SEPTIN9: variants seen among roughly 807,000 people sequenced by gnomAD.
SEPTIN9 encodes the protein septin 9, also known as septin-9.
In SEPTIN9, 13 loss-of-function variants were observed where a neutral mutation model predicts 56.6. The ratio of observed to expected loss-of-function variants is 0.23; its 90% CI spans 0.15 to 0.37. The LOEUF is 0.37. Among genes scored for constraint, SEPTIN9 ranks in the 10% least tolerant of loss-of-function variants. The pLI, the probability that SEPTIN9 is intolerant of heterozygous loss-of-function variation, is 1.00. For synonymous variants in SEPTIN9, 332 were observed against 334.1 expected (o/e 0.99, Z 0.07); for missense variants, 650 against 823.1 (o/e 0.79, Z 2.57).
intron 3 of SEPTIN9, among the ~76,000 whole-genome samples, chr17:77,415,682 G>A (rs1050671073): frequency 1.4e-4 from 22 of 152,122 alleles, no homozygotes; most frequent in African/African-American, 4.1e-4. Context: ...CCTGTGCCCG[G>A]CACCGAAGCC....
chr17:77,495,880 G>A (rs1253509050), intron 10 of SEPTIN9, among the ~76,000 whole-genome samples: 1 of 152,204 alleles, frequency 6.6e-6, no homozygotes, highest in Non-Finnish European at 1.5e-5. Context: ...TTTTTAACTT[G>A]GGGAAAAGCC....
At position 77,320,431 on chromosome 17, in the gene SEPTIN9, G is replaced by C. The variant is rs574921962; in HGVS notation, c.76+13234G>C. On this transcript the variant is annotated intron_variant, in intron 2 of 11. Transcript: ENST00000427177. ...TATTTATGCCTGGGGGAATAAGCAT[G>C]CAAAGGGCGCTTTTGCTCATTTTTC... The C allele has an allele frequency of 3.0e-5, 36 of 1,219,620 alleles. No homozygotes were observed. In the East Asian group the frequency reaches 8.2e-4, roughly 28 times the overall value. The allele number at this position is 1,219,620 out of a possible 1,614,324, so 75.5% of individuals were successfully genotyped here. A position where few individuals can be genotyped will look rare whatever the true frequency, so the allele number is the denominator to read the frequency against.
intron 2 of SEPTIN9, among the ~76,000 whole-genome samples, chr17:77,383,199 T>TCCCC (rs1316627422): frequency 5.4e-5 from 8 of 148,396 alleles, no homozygotes. Context: ...CCTCCCTCCC[T>TCCCC]CTTGCATTCT....
chr17:77,369,637 G>A lies in SEPTIN9; in HGVS notation c.77-32422G>A, dbSNP rs2034662008. Among the ~76,000 whole-genome samples the A allele has an allele frequency of 6.6e-6, 1 of 152,212 alleles. No homozygotes were observed. Among genetic ancestry groups the A allele is most frequent in the Non-Finnish European group, 1.5e-5 (1 of 68,040 alleles). The stretch of plus-strand genomic sequence containing the variant: ...TTTGTGTCAGGCCACGCAGAGATAA[G>A]ACCATCTGGGCCCTGCCCTTGGGAA... On this transcript the variant is annotated intron_variant, in intron 2 of 11. Transcript: ENST00000427177. This position sits in a 1 kb window ranked among gnomAD's most constrained non-coding sequence, Gnocchi z 4.9.
rs759303678 is a variant in SEPTIN9 at position 77,484,445 on chromosome 17, ATGG to A, written c.913+2122_913+2124del. Among the ~76,000 whole-genome samples, 128 of 61,596 alleles carry A rather than the reference ATGG, an allele frequency of 2.1e-3. 5 individuals carry two copies. Among genetic ancestry groups the A allele is most frequent in the African/African-American group, 0.011 (117 of 10,290 alleles). 40.4% of individuals were successfully genotyped at this position (61,596 alleles called of 152,430 possible). A position where few individuals can be genotyped will look rare whatever the true frequency, so the allele number is the denominator to read the frequency against. ...GATGTGGGTGATGGTGATGGTGGTG[ATGG>A]TGGTGGTGGTGATTGTGGTGGTGGT... On this transcript the variant is annotated intron_variant, in intron 4 of 11. Coordinates refer to ENST00000427177, the MANE Select transcript of SEPTIN9 (RefSeq NM_001113491.2).
At chr17:77,298,109 A>C (rs1252873058) in intron 1 of SEPTIN9, among the ~76,000 whole-genome samples, 1 of 152,234 alleles carries the variant, frequency 6.6e-6, no homozygotes, top group Non-Finnish European at 1.5e-5. Flanking sequence ...TTCCTCCTTA[A>C]AGGAGAATGT....
At chr17:77,477,141 C>G (rs2039247741) in intron 3 of SEPTIN9, among the ~76,000 whole-genome samples, 1 of 148,010 alleles carries the variant, frequency 6.8e-6, no homozygotes, top group African/African-American at 2.5e-5. Context: ...TCCCTTCTTT[C>G]CCTTCCTCTC....
At chr17:77,439,926 C>T (rs1249753760) in intron 3 of SEPTIN9, among the ~76,000 whole-genome samples, 2 of 152,182 alleles carry the variant, frequency 1.3e-5, no homozygotes, top group Non-Finnish European at 2.9e-5. Context: ...ACTTACCACC[C>T]TATTTTAACT....
In SEPTIN9 at chr17:77,463,869, A is replaced by T. The variant is rs536267779; in HGVS notation, c.722-18275A>T. ...AAAAATAAATAAATAAATAAAATTT[A>T]AAAAAAAATAGTAATTCTCGATCGC... On this transcript the variant is annotated intron_variant, in intron 3 of 11. Coordinates refer to ENST00000427177, the MANE Select transcript of SEPTIN9 (RefSeq NM_001113491.2). Among the ~76,000 whole-genome samples, 158 of 151,516 alleles carry T rather than the reference A, an allele frequency of 1.0e-3. 1 individual carries two copies. Among genetic ancestry groups the T allele is most frequent in the Admixed American group, 1.8e-3 (28 of 15,206 alleles).
chr17:77,288,650 G>T (rs2031387396), intron 1 of SEPTIN9, among the ~76,000 whole-genome samples: 2 of 152,216 alleles, frequency 1.3e-5, no homozygotes, highest in Non-Finnish European at 2.9e-5. Context: ...ACCCAAGCCA[G>T]TTGGAAGTGG....
At chr17:77,404,672 G>A (rs2036005626) in intron 3 of SEPTIN9, among the ~76,000 whole-genome samples, 2 of 152,188 alleles carry the variant, frequency 1.3e-5, no homozygotes, top group African/African-American at 4.8e-5. Flanking sequence ...TCATGGGCAT[G>A]TGGAGTGCAC....
intron 10 of SEPTIN9, among the ~76,000 whole-genome samples, chr17:77,493,425 T>G (rs537714548): frequency 6.6e-6 from 1 of 152,216 alleles, no homozygotes; most frequent in African/African-American, 2.4e-5. Context: ...AGAAAAGGGG[T>G]GGGCTGTAGC....
chr17:77,352,258 T>C (rs2034088776), intron 2 of SEPTIN9, among the ~76,000 whole-genome samples: 2 of 147,260 alleles, frequency 1.4e-5, no homozygotes, highest in African/African-American at 5.1e-5. Flanking sequence ...AAAAAAAAAA[T>C]TAGCCGGGCG....
rs1242876124 is a variant in SEPTIN9, at chr17:77,475,188, C to T, written c.722-6956C>T. The T allele has an allele frequency of 1.7e-6, 2 of 1,196,488 alleles. No homozygotes were observed. Among genetic ancestry groups the T allele is most frequent in the Admixed American group, 4.2e-5 (1 of 24,058 alleles). 74.1% of individuals were successfully genotyped at this position (1,196,488 alleles called of 1,614,324 possible). On this transcript the variant is annotated intron_variant, in intron 3 of 11. Transcript: ENST00000427177. This position sits in a 1 kb window ranked among gnomAD's most constrained non-coding sequence, Gnocchi z 4.6. ...GCGTGATGGATGAGGTGTCTGGCTT[C>T]ACAAACCCTGTGTGGGGGGGTTGTG...
At chr17:77,388,503 G>T (rs1017794655) in intron 2 of SEPTIN9, among the ~76,000 whole-genome samples, 5 of 152,190 alleles carry the variant, frequency 3.3e-5, no homozygotes, top group Non-Finnish European at 7.3e-5. Flanking sequence ...TCACGTGGGG[G>T]CTCTGTGGCC....
At chr17:77,309,484 C>T (rs555228502) in intron 2 of SEPTIN9, among the ~76,000 whole-genome samples, 5 of 152,304 alleles carry the variant, frequency 3.3e-5, no homozygotes, top group Admixed American at 3.3e-4. Flanking sequence ...GGAGTTCATT[C>T]CTAGACGCCC....
chr17:77,477,888 G>T (rs1047584150), intron 3 of SEPTIN9, among the ~76,000 whole-genome samples: 7 of 152,146 alleles, frequency 4.6e-5, no homozygotes, highest in Admixed American at 1.3e-4. Context: ...CTGGATACCC[G>T]AAAGAATGGA....
At chr17:77,376,370 G>A (rs2034920472) in intron 2 of SEPTIN9, 14 of 985,508 alleles carry the variant, frequency 1.4e-5, no homozygotes, top group Non-Finnish European at 1.6e-5. Context: ...TTCCCGGGGC[G>A]GCTCACCTGG....
At chr17:77,300,413 TG>T in intron 1 of SEPTIN9, among the ~76,000 whole-genome samples, 1 of 151,912 alleles carries the variant, frequency 6.6e-6, no homozygotes, top group African/African-American at 2.4e-5. Context: ...AGGCAGGGGG[TG>T]GGGGCAAGGC....
Sources: allele counts gnomAD v4.1 joint callset (sites outside exome capture counted in the v4.1 genomes callset), GRCh38; gene constraint gnomAD v4.1.1; non-coding constraint Gnocchi (gnomAD v3.1); transcripts MANE v1.5; gene names NCBI Gene and HGNC (gene_info 2026-07-23, HGNC 2026-07-21).